MSC: variants seen among roughly 807,000 people sequenced by gnomAD.
The protein encoded by MSC is musculin.
In MSC, 16 loss-of-function variants were observed where a neutral mutation model predicts 14.4. That is an observed-to-expected ratio of 1.11 (90% CI 0.75 to 1.69). The LOEUF is 1.69. Among genes scored for constraint, MSC ranks in the 40% most tolerant of loss-of-function variants. MSC has a pLI of 0.00. For synonymous variants in MSC, 165 were observed against 128.5 expected (o/e 1.28, Z -1.92); for missense variants, 320 against 288.1 (o/e 1.11, Z -0.80).
In MSC at chr8:71,844,197, C is replaced by A; in HGVS notation, c.-19G>T. On this transcript the variant is annotated 5_prime_UTR_variant, in exon 1 of 2. Coordinates refer to ENST00000325509, the MANE Select transcript of MSC (RefSeq NM_005098.4). ...TGGACATCCCGTTGTCCCCCTTGCC[C>A]ACACGCGTCCTCTTTCCTCCCCCCT... 1 of 1,593,470 alleles carries A rather than the reference C, an allele frequency of 6.3e-7. No individual in the cohort carries two copies. The highest frequency in any genetic ancestry group is 8.6e-7 in the Non-Finnish European group (1 of 1,168,708).
rs1449929672 is a variant in MSC, at chr8:71,842,478, C to G, written c.*183G>C. The stretch of plus-strand genomic sequence containing the variant: ...CGCCCAGATCCGGCGCAGCTGTAGC[C>G]GTGGGCGCTGTGCAGTGACAGCCAC... On this transcript the variant is annotated 3_prime_UTR_variant, in exon 2 of 2. Transcript: ENST00000325509. 1.5e-6 allele frequency: 1 copy of G among 669,566 alleles called. No homozygotes were observed. The allele number at this position is 669,566 out of a possible 1,614,324, so 41.5% of individuals were successfully genotyped here.
chr8:71,844,340 C>G lies in MSC; in HGVS notation c.-162G>C. The G allele has an allele frequency of 9.6e-7, 1 of 1,045,252 alleles. No individual in the cohort carries two copies. The highest frequency in any genetic ancestry group is 1.4e-5 in the South Asian group (1 of 73,536). The allele number at this position is 1,045,252 out of a possible 1,614,324, so 64.7% of individuals were successfully genotyped here. On this transcript the variant is annotated 5_prime_UTR_variant, in exon 1 of 2. Transcript: ENST00000325509. ...CGGGGTGAGAAAGCGAGGTGGGTGGCGAGAGCGTGAGCGCCCCTCTGCTGA... is the reference window on the plus strand; with the variant it reads ...CGGGGTGAGAAAGCGAGGTGGGTGGGGAGAGCGTGAGCGCCCCTCTGCTGA...
chr8:71,842,577 C>A lies in MSC; in HGVS notation c.*84G>T, dbSNP rs578226654. ...GGAGAATCCAGCGGAAACTTCTTCC[C>A]ATCTCACGAGCTCTCCCTTCTCTCC... On this transcript the variant is annotated 3_prime_UTR_variant, in exon 2 of 2. Coordinates refer to ENST00000325509, the MANE Select transcript of MSC (RefSeq NM_005098.4). 1.2e-5 allele frequency: 15 copies of A among 1,298,008 alleles called. No individual in the cohort carries two copies. The Admixed American group carries it at 2.4e-4, about 20-fold the overall frequency. 80.4% of individuals were successfully genotyped at this position (1,298,008 alleles called of 1,614,324 possible).
chr8:71,842,655 T>A lies in MSC; in HGVS notation c.*6A>T. On this transcript the variant is annotated 3_prime_UTR_variant, in exon 2 of 2. Transcript: ENST00000325509. ...AATAATCCCATCAAGTGAGTTCCAGTCCGATTTAAGCGGTGGTTCCACATA... is the reference window on the plus strand; with the variant it reads ...AATAATCCCATCAAGTGAGTTCCAGACCGATTTAAGCGGTGGTTCCACATA... 1 of 1,613,926 alleles carries A rather than the reference T, an allele frequency of 6.2e-7. No homozygotes were observed. The highest frequency in any genetic ancestry group is 2.2e-5 in the East Asian group (1 of 44,882).
In MSC at chr8:71,841,591, A is replaced by G. The variant is rs1416791873; in HGVS notation, c.*1070T>C. On this transcript the variant is annotated 3_prime_UTR_variant, in exon 2 of 2. Coordinates refer to ENST00000325509, the MANE Select transcript of MSC (RefSeq NM_005098.4). ...TTTTACAGCGCGTTTTATTATTCAT[A>G]AAAAAATAAATTTATTTACATATGT... 3 of 152,218 alleles carry G rather than the reference A, an allele frequency of 2.0e-5. No homozygotes were observed. Among genetic ancestry groups the G allele is most frequent in the Non-Finnish European group, 4.4e-5 (3 of 68,034 alleles). The allele number at this position is 152,218 out of a possible 1,614,324, so 9.4% of individuals were successfully genotyped here.
At chr8:71,842,866 C>T (rs1783132583) in intron 1 of MSC, 119 bp from the exon 2 acceptor site, 1 of 884,918 alleles carries the variant, frequency 1.1e-6, no homozygotes, top group African/African-American at 1.6e-5. Flanking sequence ...TATCAGCATT[C>T]TGGGAATTTG....
At position 71,843,892 on chromosome 8, in the gene MSC, G is replaced by T; in HGVS notation, c.287C>A (p.Pro96Gln). ...SAGGGGKKPL[P>Q]AKGSAAECKQ... ...GCACTCTGCGGCTGAGCCCTTGGCCGGGAGGGGCTTCTTGCCACCACCGCC... is the reference window on the plus strand; with the variant it reads ...GCACTCTGCGGCTGAGCCCTTGGCCTGGAGGGGCTTCTTGCCACCACCGCC... The change falls in exon 1 of 2, where the codon CCG (proline) becomes CAG (glutamine). Residue 96 changes from proline to glutamine, a missense_variant. Transcript: ENST00000325509. 1 of 1,601,286 alleles carries T rather than the reference G, an allele frequency of 6.2e-7. No individual in the cohort carries two copies. Among genetic ancestry groups the T allele is most frequent in the Non-Finnish European group, 8.5e-7 (1 of 1,174,522 alleles).
intron 1 of MSC, 147 bp from the exon 2 acceptor site, chr8:71,842,894 C>T: frequency 1.4e-6 from 1 of 721,088 alleles, no homozygotes; most frequent in Non-Finnish European, 2.5e-6. Flanking sequence ...TCTCTCTGAA[C>T]TAAGATTTTC....
intron 1 of MSC, chr8:71,843,374 A>G: frequency 1.8e-6 from 1 of 556,956 alleles, no homozygotes; most frequent in Non-Finnish European, 3.3e-6. Flanking sequence ...TGGAACCAAG[A>G]TTTACCCTGG....
chr8:71,842,805 A>C (rs7812453), intron 1 of MSC, 58 bp from the exon 2 acceptor site: 747,772 of 1,494,048 alleles, frequency 0.5, 193,001 homozygotes, highest in African/African-American at 0.82. Flanking sequence ...AAACCGAAAC[A>C]GCTCTCCTAC....
Position 71,844,259 on chromosome 8 carries a change from G to T in MSC, c.-81C>A, listed in dbSNP as rs762622714. On this transcript the variant is annotated 5_prime_UTR_variant, in exon 1 of 2. Transcript: ENST00000325509. ...CTGTCTCCGCCTTCCGCTCCCTGGC[G>T]GAGGCGGAGGCCAGAGAGCGCTCCA... 2 of 1,585,326 alleles carry T rather than the reference G, an allele frequency of 1.3e-6. No individual in the cohort carries two copies. Among genetic ancestry groups the T allele is most frequent in the African/African-American group, 2.7e-5 (2 of 74,440 alleles).
chr8:71,843,514 C>T (rs947235540), intron 1 of MSC, 131 bp downstream of exon 1: 2 of 1,176,110 alleles, frequency 1.7e-6, no homozygotes, highest in Admixed American at 1.9e-5. Context: ...CTAAACTGGC[C>T]TTCTCGTTCC....
chr8:71,843,082 A>C (rs556585757), intron 1 of MSC: 45 of 347,078 alleles, frequency 1.3e-4, no homozygotes, highest in Middle Eastern at 9.5e-4. Flanking sequence ...ACACACACAC[A>C]GTCATCCACT....
intron 1 of MSC, 152 bp from the exon 2 acceptor site, chr8:71,842,899 A>T (rs1782102037): frequency 1.4e-6 from 1 of 700,154 alleles, no homozygotes; most frequent in Admixed American, 2.1e-5. Flanking sequence ...CTGAACTAAG[A>T]TTTTCATTTT....
intron 1 of MSC, 66 bp from the exon 2 acceptor site, chr8:71,842,813 T>A (rs1267617359): frequency 1.5e-6 from 2 of 1,366,936 alleles, no homozygotes; most frequent in Non-Finnish European, 2.1e-6. Context: ...ACAGCTCTCC[T>A]ACGCGAACCC....
chr8:71,843,711 G>A lies in MSC; in HGVS notation c.468C>T (p.Ile156=). 1 of 1,614,222 alleles carries A rather than the reference G, an allele frequency of 6.2e-7. No homozygotes were observed. The highest frequency in any genetic ancestry group is 8.5e-7 in the Non-Finnish European group (1 of 1,180,040). Residue 156 remains isoleucine (I), a synonymous_variant, in exon 1 of 2, where the codon ATC becomes ATT. Coordinates refer to ENST00000325509, the MANE Select transcript of MSC (RefSeq NM_005098.4). The part of the protein sequence containing the change: ...LDTLRLASSY[I]AHLRQLLQED... ...CCTGCAACAGCTGCCGCAGGTGAGC[G>A]ATGTAACTGGAAGCCAGCCGGAGCG...
Position 71,844,386 on chromosome 8 carries a change from G to A in MSC, c.-208C>T, listed in dbSNP as rs779923015. ...GCTGACCCCGGGGAGCGTGGACTAC[G>A]AGTTGGCGCCCAAGTCCAGAATCCG... is the stretch of plus-strand genomic sequence containing the variant. On this transcript the variant is annotated 5_prime_UTR_variant, in exon 1 of 2. Transcript: ENST00000325509. The A allele has an allele frequency of 1.7e-5, 13 of 751,182 alleles. No homozygotes were observed. In the South Asian group the frequency reaches 1.9e-4, roughly 11 times the overall value. The allele number at this position is 751,182 out of a possible 1,614,324, so 46.5% of individuals were successfully genotyped here. A position where few individuals can be genotyped will look rare whatever the true frequency, so the allele number is the denominator to read the frequency against.
rs1035939144 is a variant in MSC at position 71,842,644 on chromosome 8, G to A, written c.*17C>T. ...CGCATTTAACGAATAATCCCATCAA[G>A]TGAGTTCCAGTCCGATTTAAGCGGT... is the stretch of plus-strand genomic sequence containing the variant. On this transcript the variant is annotated 3_prime_UTR_variant, in exon 2 of 2. Transcript: ENST00000325509. 6.8e-6 allele frequency: 11 copies of A among 1,612,492 alleles called. No homozygotes were observed. The highest frequency in any genetic ancestry group is 8.5e-6 in the Non-Finnish European group (10 of 1,178,678).
chr8:71,843,601 A>G (rs773281958), intron 1 of MSC, 44 bp downstream of exon 1: 6 of 1,613,620 alleles, frequency 3.7e-6, no homozygotes, highest in South Asian at 1.1e-5. Flanking sequence ...CGCCCTGGGT[A>G]TCTCCTGGCT....
Sources: gnomAD v4.1 joint callset for allele counts on GRCh38, gnomAD v4.1.1 for gene constraint, MANE v1.5 for transcripts, NCBI Gene and HGNC (gene_info 2026-07-23, HGNC 2026-07-21) for gene names.